TLR6: variants seen among roughly 807,000 people sequenced by gnomAD.
The protein encoded by TLR6 is toll like receptor 6, also known as toll-like receptor 6.
TLR6 carries 9 observed loss-of-function variants against 16.1 expected under a neutral mutation model. That is an observed-to-expected ratio of 0.56 (90% confidence interval 0.34 to 0.98). The LOEUF (loss-of-function observed/expected upper bound fraction) is 0.98. Ranked by LOEUF, TLR6 falls within the 50% of genes least tolerant of loss-of-function variation. TLR6 has a pLI of 0.02. For synonymous variants in TLR6, 340 were observed against 338.6 expected, an observed-to-expected ratio of 1.00 and a Z score of -0.04; for missense variants, 786 against 921.0, an observed-to-expected ratio of 0.85 and a Z score of 1.90.
chr4:38,842,499 G>A (rs1179562317), intron 1 of TLR6, among the ~76,000 whole-genome samples: 1 of 152,216 alleles, frequency 6.6e-6, no homozygotes, highest in Non-Finnish European at 1.5e-5. Context: ...TTTGTGACTG[G>A]GAAAGAGGGG....
intron 1 of TLR6, among the ~76,000 whole-genome samples, chr4:38,845,761 C>T (rs1712498903): frequency 6.6e-6 from 1 of 152,134 alleles, no homozygotes; most frequent in Non-Finnish European, 1.5e-5. Context: ...TAAGCCACAA[C>T]GTTTGTGGTA....
intron 1 of TLR6, among the ~76,000 whole-genome samples, chr4:38,835,824 T>C (rs1012195369): frequency 7.9e-5 from 12 of 152,174 alleles, no homozygotes; most frequent in African/African-American, 2.9e-4. Flanking sequence ...GATGAACTTT[T>C]GAAACTGTAT....
At chr4:38,835,101 A>G (rs1268852509) in intron 1 of TLR6, among the ~76,000 whole-genome samples, 1 of 152,256 alleles carries the variant, frequency 6.6e-6, no homozygotes, top group Non-Finnish European at 1.5e-5. Flanking sequence ...GCCAAATGAC[A>G]GAAATAAGTC....
At chr4:38,847,047 T>C (rs1335953057) in intron 1 of TLR6, among the ~76,000 whole-genome samples, 1 of 152,110 alleles carries the variant, frequency 6.6e-6, no homozygotes, top group East Asian at 1.9e-4. Context: ...ATTGTAGAAA[T>C]GGTCTATCAT....
At chr4:38,857,740 A>C (rs888623581), upstream of TLR6, among the ~76,000 whole-genome samples, 3 of 152,188 alleles carry the variant, frequency 2.0e-5, no homozygotes, top group African/African-American at 7.2e-5. Context: ...TTCTGCTTTC[A>C]GGAGGAAGAG....
Position 38,827,327 on chromosome 4 carries a change from AGTTC to A in TLR6, c.2143_2146del (p.Glu715SerfsTer16). 1 of 1,614,180 alleles carries A rather than the reference AGTTC, an allele frequency of 6.2e-7. No homozygotes were observed. The highest frequency in any genetic ancestry group is 1.1e-5 in the South Asian group (1 of 91,088). On this transcript the variant is annotated frameshift_variant, in exon 2 of 2. Coordinates refer to ENST00000436693, the Ensembl canonical transcript of TLR6. LOFTEE classifies it high-confidence loss of function. Reference sequence around the variant, plus strand: ...AAAGAGATTGTGATGGGCAAAATAGAGTTCGTAATGGCACCACTCACTCTGGACA... The same window carrying A: ...AAAGAGATTGTGATGGGCAAAATAGAGTAATGGCACCACTCACTCTGGACA...
chr4:38,828,580 A>C (rs778409315), exon 2 of TLR6: 3 of 1,613,784 alleles, frequency 1.9e-6, no homozygotes, highest in African/African-American at 2.7e-5. Context: ...TTTTAGAATA[A>C]GTAAAATCTT....
intron 1 of TLR6, among the ~76,000 whole-genome samples, chr4:38,839,310 T>TAAAAAA (rs57901685): frequency 1.4e-4 from 21 of 151,760 alleles, no homozygotes; most frequent in East Asian, 5.8e-4. Flanking sequence ...GATTTTTTTT[T>TAAAAAA]AAAAAAAATT....
intron 1 of TLR6, among the ~76,000 whole-genome samples, chr4:38,849,046 C>G (rs1712658069): frequency 6.6e-6 from 1 of 152,190 alleles, no homozygotes; most frequent in Non-Finnish European, 1.5e-5. Context: ...GGGTTACCCA[C>G]AAAGGGAAGC....
chr4:38,833,428 G>A (rs542383886), intron 1 of TLR6, among the ~76,000 whole-genome samples: 1 of 152,296 alleles, frequency 6.6e-6, no homozygotes, highest in South Asian at 2.1e-4. Context: ...GAACCCAAAT[G>A]CCACTGACAC....
chr4:38,837,606 A>G (rs1476115951), intron 1 of TLR6, among the ~76,000 whole-genome samples: 1 of 152,248 alleles, frequency 6.6e-6, no homozygotes, highest in Non-Finnish European at 1.5e-5. Flanking sequence ...TTCAAAATGG[A>G]TTACAGACTT....
downstream of TLR6, among the ~76,000 whole-genome samples, chr4:38,823,105 C>A (rs897460494): frequency 6.6e-6 from 1 of 152,174 alleles, no homozygotes; most frequent in Admixed American, 6.5e-5. Flanking sequence ...AAAGACCCGC[C>A]CCCATGATGC....
intron 1 of TLR6, among the ~76,000 whole-genome samples, chr4:38,849,420 C>T (rs149294884): frequency 0.031 from 4,742 of 152,222 alleles, 219 homozygotes; most frequent in African/African-American, 0.087. Flanking sequence ...CAAATTCACA[C>T]ATAATAATAT....
chr4:38,827,829 T>C (rs1727622287), exon 2 of TLR6: 3 of 1,614,272 alleles, frequency 1.9e-6, no homozygotes, highest in Non-Finnish European at 2.5e-6. Context: ...AACACTTCAC[T>C]TGATACTTGG....
In TLR6 at chr4:38,827,115, G is replaced by A. The variant is rs1288697644; in HGVS notation, c.2359C>T (p.Leu787=). The A allele has an allele frequency of 2.5e-6, 4 of 1,601,014 alleles. No homozygotes were observed. In the Admixed American group the frequency reaches 5.3e-5, roughly 21 times the overall value. Residue 787 remains leucine (L), a synonymous_variant, in exon 2 of 2, where the codon CTA becomes TTA. Coordinates refer to ENST00000436693, the Ensembl canonical transcript of TLR6. ...TTCACATCATTGTTTTCAGTGACTA[G>A]TGTTAATTTCATATTAAAAGCGGCT... is the stretch of plus-strand genomic sequence containing the variant.
intron 1 of TLR6, among the ~76,000 whole-genome samples, chr4:38,839,836 G>T (rs1298751204): frequency 6.6e-6 from 1 of 152,174 alleles, no homozygotes; most frequent in Non-Finnish European, 1.5e-5. Context: ...GTGGCCTATT[G>T]GGGCATTTGG....
intron 1 of TLR6, among the ~76,000 whole-genome samples, chr4:38,847,641 G>A (rs549018595): frequency 9.8e-4 from 150 of 152,292 alleles, no homozygotes; most frequent in African/African-American, 2.9e-3. Flanking sequence ...ATTATATCCC[G>A]CACCTGGCTT....
At chr4:38,828,243 T>G in exon 2 of TLR6, 1 of 1,613,528 alleles carries the variant, frequency 6.2e-7, no homozygotes, top group Non-Finnish European at 8.5e-7. Context: ...GAATTCCAGC[T>G]AACATCCAGT....
chr4:38,862,189 C>T, the TLR6 span, among the ~76,000 whole-genome samples: 1 of 152,190 alleles, frequency 6.6e-6, no homozygotes, highest in Non-Finnish European at 1.5e-5. Flanking sequence ...CACTGGGTCC[C>T]CTTCCTGCTC....
Sources: allele counts gnomAD v4.1 joint callset (sites outside exome capture counted in the v4.1 genomes callset), GRCh38; gene constraint gnomAD v4.1.1; transcripts MANE v1.5; gene names NCBI Gene and HGNC (gene_info 2026-07-23, HGNC 2026-07-21).